The following GRID1 variants were observed in gnomAD, a reference collection of about 807,000 sequenced individuals.
GRID1 encodes the protein glutamate ionotropic receptor delta type subunit 1, also known as glutamate receptor ionotropic, delta-1.
GRID1 carries 28 observed loss-of-function variants against 98.0 expected under a neutral mutation model. The observed-to-expected ratio is 0.29, with a 90% CI of 0.21 to 0.39. The LOEUF is 0.39. Ranked by LOEUF, GRID1 falls within the 10% of genes least tolerant of loss-of-function variation. GRID1 has a pLI of 1.00. For synonymous variants in GRID1, 553 were observed against 538.5 expected (o/e 1.03, Z -0.37); for missense variants, 1,111 against 1,340.5 (o/e 0.83, Z 2.67).
chr10:86,164,128 G>A (rs12098492), intron 3 of GRID1, among the ~76,000 whole-genome samples: 16,042 of 152,232 alleles, frequency 0.11, 1,198 homozygotes, highest in African/African-American at 0.21. Context: ...GGCTGTGTGA[G>A]CTCAGTGAAT....
intron 8 of GRID1, among the ~76,000 whole-genome samples, chr10:85,731,799 CAA>C (rs554781772): frequency 1.6e-5 from 1 of 63,776 alleles, no homozygotes. Flanking sequence ...GAGACCCTGA[CAA>C]AAAAAAAAAA....
intron 8 of GRID1, among the ~76,000 whole-genome samples, chr10:85,792,853 A>C (rs184624403): frequency 1.3e-5 from 2 of 152,310 alleles, no homozygotes; most frequent in East Asian, 3.9e-4. Context: ...GGCTCTGAGA[A>C]GGTGGGCCAG....
At chr10:86,002,725 G>C (rs530043770) in intron 4 of GRID1, among the ~76,000 whole-genome samples, 1 of 152,272 alleles carries the variant, frequency 6.6e-6, no homozygotes, top group African/African-American at 2.4e-5. Context: ...AAAAACTGTG[G>C]AATTAAGCCT....
intron 5 of GRID1, among the ~76,000 whole-genome samples, chr10:85,893,555 T>C (rs1040620081): frequency 6.6e-6 from 1 of 152,138 alleles, no homozygotes; most frequent in African/African-American, 2.4e-5. Context: ...ACAAGGTCAA[T>C]ATCCAGAAAC....
chr10:85,959,227 A>G lies in GRID1; in HGVS notation c.727-42988T>C, dbSNP rs188316007. On this transcript the variant is annotated intron_variant, in intron 4 of 15. Transcript: ENST00000327946. Reference sequence around the variant, plus strand: ...TCTTCTTCTATGTGTATGTGTACTGATTCTGCTTCTCTGGAGGACCCTGAC... The same window carrying G: ...TCTTCTTCTATGTGTATGTGTACTGGTTCTGCTTCTCTGGAGGACCCTGAC... 1.9e-3 allele frequency among the ~76,000 whole-genome samples: 289 copies of G among 152,238 alleles called. 3 individuals are homozygous for G. The highest frequency in any genetic ancestry group is 0.016 in the Admixed American group (238 of 15,288).
At chr10:85,915,673 AACAC>A (rs1043816865) in intron 5 of GRID1, among the ~76,000 whole-genome samples, 1 of 151,406 alleles carries the variant, frequency 6.6e-6, no homozygotes, top group Non-Finnish European at 1.5e-5. Context: ...CTCATACACA[AACAC>A]ACATACACAC....
At chr10:85,639,933 G>C (rs533083747) in intron 13 of GRID1, among the ~76,000 whole-genome samples, 5 of 152,168 alleles carry the variant, frequency 3.3e-5, no homozygotes, top group Non-Finnish European at 5.9e-5. Flanking sequence ...ATAGTTTGCT[G>C]ATGCCTGCTG....
intron 4 of GRID1, among the ~76,000 whole-genome samples, chr10:85,981,341 C>T (rs1192818076): frequency 6.6e-6 from 1 of 152,226 alleles, no homozygotes; most frequent in African/African-American, 2.4e-5. Flanking sequence ...AGGCAAAGGA[C>T]ACGAACTGCA....
In GRID1 at chr10:85,672,521, T is replaced by C. The variant is rs188808684; in HGVS notation, c.1998-25124A>G. 3.5e-4 allele frequency among the ~76,000 whole-genome samples: 54 copies of C among 152,270 alleles called. No homozygotes were observed. The East Asian group carries it at 6.6e-3, about 19-fold the overall frequency. On this transcript the variant is annotated intron_variant, in intron 12 of 15. Coordinates refer to ENST00000327946, the MANE Select transcript of GRID1 (RefSeq NM_017551.3). ...TTGGGTTTCACCATGTTGGTCAGGATGGTCTTGATCTCTTGACCTCATGAT... is the reference window on the plus strand; with the variant it reads ...TTGGGTTTCACCATGTTGGTCAGGACGGTCTTGATCTCTTGACCTCATGAT...
chr10:86,245,086 G>C (rs540594746), intron 2 of GRID1, among the ~76,000 whole-genome samples: 4 of 152,198 alleles, frequency 2.6e-5, no homozygotes, highest in Non-Finnish European at 4.4e-5. Flanking sequence ...AGGCGATGGC[G>C]GGGGACCTTA....
At chr10:86,041,250 G>A (rs1843341680) in intron 4 of GRID1, among the ~76,000 whole-genome samples, 1 of 152,208 alleles carries the variant, frequency 6.6e-6, no homozygotes, top group African/African-American at 2.4e-5. Context: ...GTGAGTGGTT[G>A]GGCAGGCCCT....
At chr10:85,956,802 A>G (rs1842200580) in intron 4 of GRID1, among the ~76,000 whole-genome samples, 1 of 152,250 alleles carries the variant, frequency 6.6e-6, no homozygotes, top group Non-Finnish European at 1.5e-5. Context: ...TAGTGCAAGC[A>G]ACAGAAATTG....
At chr10:86,007,151 G>A (rs1311855610) in intron 4 of GRID1, among the ~76,000 whole-genome samples, 4 of 152,292 alleles carry the variant, frequency 2.6e-5, no homozygotes, top group East Asian at 3.9e-4. Context: ...AAATTCAAAG[G>A]TGATAAGAAA....
chr10:86,240,300 T>G (rs1361904032), intron 2 of GRID1, among the ~76,000 whole-genome samples: 1 of 152,072 alleles, frequency 6.6e-6, no homozygotes, highest in African/African-American at 2.4e-5. Flanking sequence ...GCCTCCACAC[T>G]TTCCACCCCC....
At chr10:86,232,349 A>G (rs1846469578) in intron 2 of GRID1, among the ~76,000 whole-genome samples, 1 of 152,240 alleles carries the variant, frequency 6.6e-6, no homozygotes, top group African/African-American at 2.4e-5. Flanking sequence ...GTCACTGGGC[A>G]TCTCTCTGAG....
intron 8 of GRID1, among the ~76,000 whole-genome samples, chr10:85,828,337 T>C (rs1842838092): frequency 6.6e-6 from 1 of 151,814 alleles, no homozygotes; most frequent in African/African-American, 2.4e-5. Flanking sequence ...ATCAAAAAGT[T>C]AGAAAGATCT....
At chr10:85,745,662 T>C (rs1841989289) in intron 8 of GRID1, among the ~76,000 whole-genome samples, 1 of 143,438 alleles carries the variant, frequency 7.0e-6, no homozygotes, top group Admixed American at 7.0e-5. Context: ...GCATGGCACA[T>C]GTATACATAT....
At chr10:85,763,035 G>GAC (rs764702535) in intron 8 of GRID1, among the ~76,000 whole-genome samples, 35 of 152,266 alleles carry the variant, frequency 2.3e-4, no homozygotes, top group Non-Finnish European at 3.4e-4. Flanking sequence ...TGGAGGGGTG[G>GAC]ACAGCAAACA....
rs184579227 is a variant in GRID1, at chr10:86,209,018, A to C, written c.236-2370T>G. Among the ~76,000 whole-genome samples, 13 of 152,378 alleles carry C rather than the reference A, an allele frequency of 8.5e-5. No homozygotes were observed. The East Asian group carries it at 2.3e-3, about 27-fold the overall frequency. On this transcript the variant is annotated intron_variant, in intron 2 of 15. Coordinates refer to ENST00000327946, the MANE Select transcript of GRID1 (RefSeq NM_017551.3). ...TATAGCCTTTAAACTAGTCAAGAAGATACTACAATAACATGGGAAAGTGCC... is the reference window on the plus strand; with the variant it reads ...TATAGCCTTTAAACTAGTCAAGAAGCTACTACAATAACATGGGAAAGTGCC...
Sources: gnomAD v4.1 joint callset for allele counts (sites outside exome capture counted in the v4.1 genomes callset) on GRCh38, gnomAD v4.1.1 for gene constraint, MANE v1.5 for transcripts, NCBI Gene and HGNC (gene_info 2026-07-23, HGNC 2026-07-21) for gene names.